BAZ2B: variants seen among roughly 807,000 people sequenced by gnomAD.
The protein encoded by BAZ2B is bromodomain adjacent to zinc finger domain 2B, also known as bromodomain adjacent to zinc finger domain protein 2B.
BAZ2B carries 91 observed loss-of-function variants against 246.0 expected under a neutral mutation model. That is an observed-to-expected ratio of 0.37 (90% CI 0.31 to 0.44). BAZ2B has a LOEUF of 0.44. Ranked by LOEUF, BAZ2B falls within the 20% of genes least tolerant of loss-of-function variation. The pLI is 1.00. For missense variants in BAZ2B, 2,332 were observed against 2,533.7 expected (o/e 0.92, Z 1.71); for synonymous variants, 855 against 860.0 (o/e 0.99, Z 0.10).
At chr2:159,687,072 T>C in the BAZ2B span, among the ~76,000 whole-genome samples, 2 of 148,698 alleles carry the variant, frequency 1.3e-5, no homozygotes, top group Non-Finnish European at 3.0e-5. Context: ...ACCATAGTAA[T>C]TGAAAATATT....
At chr2:159,348,656 G>T in intron 30 of BAZ2B, 22 bp downstream of exon 30, 2 of 1,572,102 alleles carry the variant, frequency 1.3e-6, no homozygotes, top group South Asian at 1.2e-5. Flanking sequence ...AAAGAAAGCT[G>T]AAATATCTTT....
chr2:159,404,138 T>C (rs987212934), intron 16 of BAZ2B, among the ~76,000 whole-genome samples: 1 of 152,160 alleles, frequency 6.6e-6, no homozygotes, highest in Non-Finnish European at 1.5e-5. Context: ...AAAAGAATAG[T>C]ACTTTCTCCC....
intron 27 of BAZ2B, 53 bp from the exon 28 acceptor site, chr2:159,350,410 C>T (rs1326773079): frequency 7.3e-7 from 1 of 1,371,552 alleles, no homozygotes; most frequent in Non-Finnish European, 9.6e-7. Context: ...CAAACCAATA[C>T]TGTAATTAAA....
At chr2:159,335,875 T>C (rs2065579437) in intron 33 of BAZ2B, among the ~76,000 whole-genome samples, 1 of 152,128 alleles carries the variant, frequency 6.6e-6, no homozygotes, top group African/African-American at 2.4e-5. Flanking sequence ...TCAAAGTAAA[T>C]GGTAGCCAGG....
At chr2:159,686,391 G>C in the BAZ2B span, among the ~76,000 whole-genome samples, 1 of 152,158 alleles carries the variant, frequency 6.6e-6, no homozygotes, top group East Asian at 1.9e-4. Flanking sequence ...TGCCTCTGCG[G>C]TATTATTTCC....
chr2:159,448,493 A>T (rs924096944), intron 4 of BAZ2B, 84 bp from the exon 5 acceptor site: 186 of 1,458,332 alleles, frequency 1.3e-4, no homozygotes, highest in East Asian at 1.7e-4. Flanking sequence ...TGTTTTATTT[A>T]AAAAAATTTC....
At chr2:159,370,525 C>A (rs2060729391) in intron 27 of BAZ2B, among the ~76,000 whole-genome samples, 1 of 151,904 alleles carries the variant, frequency 6.6e-6, no homozygotes, top group South Asian at 2.1e-4. Flanking sequence ...CGCCCGCCAC[C>A]ACGCCCGGCT....
intron 2 of BAZ2B, among the ~76,000 whole-genome samples, chr2:159,533,989 T>C (rs2085650923): frequency 6.6e-6 from 1 of 152,206 alleles, no homozygotes; most frequent in African/African-American, 2.4e-5. Flanking sequence ...GAATAAATAT[T>C]GTAAGTTTTC....
chr2:159,364,681 A>AT lies in BAZ2B; in HGVS notation c.4213+8363dup, dbSNP rs112534273. ...CACCATGCCTAGCCCTTAGTTAGAC[A>AT]TTTTTTGTGACTTCTGTTAGTAGCT... is the stretch of plus-strand genomic sequence containing the variant. On this transcript the variant is annotated intron_variant, in intron 27 of 36. Coordinates refer to ENST00000392783, the MANE Select transcript of BAZ2B (RefSeq NM_013450.4). 2.8e-4 allele frequency among the ~76,000 whole-genome samples: 42 copies of AT among 152,188 alleles called. 1 individual carries two copies. Among genetic ancestry groups the AT allele is most frequent in the African/African-American group, 8.4e-4 (35 of 41,534 alleles).
intron 2 of BAZ2B, among the ~76,000 whole-genome samples, chr2:159,517,194 C>T (rs999789251): frequency 2.6e-5 from 4 of 151,982 alleles, no homozygotes; most frequent in Admixed American, 1.3e-4. Flanking sequence ...AAACTTTTCT[C>T]TACATCATTT....
chr2:159,372,595 C>A (rs996194852), intron 27 of BAZ2B, among the ~76,000 whole-genome samples: 8 of 152,134 alleles, frequency 5.3e-5, no homozygotes, highest in African/African-American at 1.9e-4. Flanking sequence ...GAAGTGATCA[C>A]AAATTTCAAA....
intron 31 of BAZ2B, among the ~76,000 whole-genome samples, chr2:159,339,898 T>G (rs968464883): frequency 6.6e-6 from 1 of 152,126 alleles, no homozygotes; most frequent in African/African-American, 2.4e-5. Context: ...GAGAGTAGAT[T>G]GGTGGTTACC....
chr2:159,540,556 T>C (rs1329691534), intron 2 of BAZ2B, among the ~76,000 whole-genome samples: 1 of 152,226 alleles, frequency 6.6e-6, no homozygotes, highest in African/African-American at 2.4e-5. Context: ...GGATGATGTT[T>C]TCTATTTCTA....
At chr2:159,587,203 T>C (rs1414671969) in intron 1 of BAZ2B, among the ~76,000 whole-genome samples, 2 of 151,840 alleles carry the variant, frequency 1.3e-5, no homozygotes, top group South Asian at 2.1e-4. Context: ...CTCAGCCTCC[T>C]GAGTAGCTGG....
chr2:159,450,097 T>C (rs114386839), intron 4 of BAZ2B, among the ~76,000 whole-genome samples: 1 of 152,180 alleles, frequency 6.6e-6, no homozygotes, highest in Admixed American at 6.5e-5. Flanking sequence ...GTGGAATTCA[T>C]AGACTTTGTA....
intron 4 of BAZ2B, 104 bp downstream of exon 4, chr2:159,453,509 A>C: frequency 8.6e-5 from 109 of 1,260,310 alleles, no homozygotes; most frequent in Non-Finnish European, 9.4e-5. Flanking sequence ...AGTTTTAAAT[A>C]TACCAGGCAT....
rs552331720 is a variant in BAZ2B at position 159,326,157 on chromosome 2, C to T, written c.5944-239G>A. ...TAAGAATTCTTAAAACTTGAAGATG[C>T]TAATCTCATGGTAATTCATCTACAG... On this transcript the variant is annotated intron_variant, in intron 34 of 36. Coordinates refer to ENST00000392783, the MANE Select transcript of BAZ2B (RefSeq NM_013450.4). Among the ~76,000 whole-genome samples the T allele has an allele frequency of 1.2e-3, 186 of 152,092 alleles. 1 individual carries two copies. Among genetic ancestry groups the T allele is most frequent in the Non-Finnish European group, 2.2e-3 (150 of 68,008 alleles).
At chr2:159,428,817 A>G (rs1402125659) in intron 11 of BAZ2B, among the ~76,000 whole-genome samples, 2 of 152,108 alleles carry the variant, frequency 1.3e-5, no homozygotes, top group Non-Finnish European at 2.9e-5. Flanking sequence ...TAATTAAACC[A>G]TTTTAGCCAA....
At chr2:159,432,628 T>A in intron 9 of BAZ2B, 129 bp downstream of exon 9, 2 of 1,278,240 alleles carry the variant, frequency 1.6e-6, no homozygotes, top group Non-Finnish European at 2.1e-6. Flanking sequence ...GAGCTCATTA[T>A]AGAAATGCAC....
Sources: allele counts gnomAD v4.1 joint callset (sites outside exome capture counted in the v4.1 genomes callset), GRCh38; gene constraint gnomAD v4.1.1; transcripts MANE v1.5; gene names NCBI Gene and HGNC (gene_info 2026-07-23, HGNC 2026-07-21).